Variants in CATSPERD observed in about 807,000 individuals in gnomAD.
CATSPERD encodes cation channel sperm-associated auxiliary subunit delta.
A neutral mutation model predicts 98.1 loss-of-function variants in CATSPERD; 86 were observed. That is an observed-to-expected ratio of 0.88 (90% CI 0.74 to 1.05). CATSPERD has a LOEUF of 1.05. Among genes scored for constraint, CATSPERD ranks in the 50% least tolerant of loss-of-function variants. CATSPERD has a pLI of 0.00. For missense variants in CATSPERD, 995 were observed against 1,005.7 expected, an observed-to-expected ratio of 0.99 and a Z score of 0.14; for synonymous variants, 394 against 390.2, an observed-to-expected ratio of 1.01 and a Z score of -0.12.
intron 7 of CATSPERD, among the ~76,000 whole-genome samples, chr19:5,743,683 C>CCTCTCTCTCT (rs146743330): frequency 9.7e-5 from 14 of 144,088 alleles, no homozygotes; most frequent in South Asian, 9.0e-4. Flanking sequence ...TCTCTCTCTT[C>CCTCTCTCTCT]CTCTCTCTCT....
intron 11 of CATSPERD, among the ~76,000 whole-genome samples, chr19:5,749,803 A>AT (rs199802101): frequency 0.27 from 36,208 of 135,020 alleles, 5,883 homozygotes; most frequent in East Asian, 0.73. Context: ...TGCCTATCTA[A>AT]TTTTTTTTTT....
At position 5,751,784 on chromosome 19, in the gene CATSPERD, G is replaced by A. The variant is rs373116853; in HGVS notation, c.1125G>A (p.Ala375=). The change falls in exon 12 of 22, where the codon GCG becomes GCA. Residue 375 remains alanine (A), a synonymous_variant. Coordinates refer to ENST00000381624, the MANE Select transcript of CATSPERD (RefSeq NM_152784.4). ...DFQKCLVNIQ[A]LLMDPELHVG... ...AGAAGTGCCTCGTGAATATCCAGGC[G>A]CTTCTCATGGACCCTGAACTCCACG... 8.0e-5 allele frequency: 129 copies of A among 1,613,332 alleles called. No homozygotes were observed. Among genetic ancestry groups the A allele is most frequent in the Non-Finnish European group, 1.1e-4 (124 of 1,179,790 alleles).
At chr19:5,773,692 TC>T (rs1312368864) in intron 20 of CATSPERD, among the ~76,000 whole-genome samples, 1 of 97,096 alleles carries the variant, frequency 1.0e-5, no homozygotes, top group South Asian at 4.0e-4. Context: ...AATTTTTGTA[TC>T]TTTTTTTTTT....
chr19:5,770,925 G>T lies in CATSPERD; in HGVS notation c.1635-19G>T. 1 of 1,592,738 alleles carries T rather than the reference G, an allele frequency of 6.3e-7. No individual in the cohort carries two copies. The highest frequency in any genetic ancestry group is 1.1e-5 in the South Asian group (1 of 87,430). On this transcript the variant is annotated intron_variant, in intron 18 of 21. Transcript: ENST00000381624. ...AGGAACTCACAGACTCCCCATCTCT[G>T]CTTCTTGGTGTCTTGAAGGGAATTC...
Position 5,776,318 on chromosome 19 carries a change from G to T in CATSPERD, c.2096+3G>T. 1 of 1,613,850 alleles carries T rather than the reference G, an allele frequency of 6.2e-7. No homozygotes were observed. Among genetic ancestry groups the T allele is most frequent in the Non-Finnish European group, 8.5e-7 (1 of 1,179,804 alleles). On this transcript the variant is annotated splice_donor_region_variant and intron_variant, in intron 21 of 21. Coordinates refer to ENST00000381624, the MANE Select transcript of CATSPERD (RefSeq NM_152784.4). Reference sequence around the variant, plus strand: ...TCGATCGTGGATCCGTACTACAGGTGAGTGGGCCCATCTGCCCCTACGACA... The same window carrying T: ...TCGATCGTGGATCCGTACTACAGGTTAGTGGGCCCATCTGCCCCTACGACA...
chr19:5,753,375 A>ATG (rs549175728), intron 12 of CATSPERD: 19 of 169,232 alleles, frequency 1.1e-4, no homozygotes, highest in African/African-American at 1.7e-4. Flanking sequence ...CCTGGCTAAC[A>ATG]GTGAAACCCC....
intron 15 of CATSPERD, among the ~76,000 whole-genome samples, chr19:5,759,426 G>A (rs558655980): frequency 9.9e-5 from 15 of 151,852 alleles, no homozygotes; most frequent in South Asian, 6.2e-4. Context: ...TTAGCTAGGC[G>A]TAGTGGCAGG....
At chr19:5,741,326 T>C (rs2055959720) in intron 7 of CATSPERD, among the ~76,000 whole-genome samples, 1 of 152,002 alleles carries the variant, frequency 6.6e-6, no homozygotes, top group Non-Finnish European at 1.5e-5. Flanking sequence ...TGAGACCGAG[T>C]AATTTATAAG....
At chr19:5,768,466 A>G (rs1326702384) in intron 18 of CATSPERD, among the ~76,000 whole-genome samples, 1 of 151,572 alleles carries the variant, frequency 6.6e-6, no homozygotes, top group Non-Finnish European at 1.5e-5. Context: ...CCTCCTGAGT[A>G]GTTGGGACTA....
intron 3 of CATSPERD, among the ~76,000 whole-genome samples, chr19:5,728,356 CAAAA>C (rs564166119): frequency 7.4e-5 from 6 of 80,950 alleles, no homozygotes; most frequent in Non-Finnish European, 1.2e-4. Flanking sequence ...GACTCTGTCT[CAAAA>C]AAAAAAAAAA....
chr19:5,758,500 G>A (rs1246559261), intron 14 of CATSPERD, among the ~76,000 whole-genome samples: 1 of 151,622 alleles, frequency 6.6e-6, no homozygotes, highest in Non-Finnish European at 1.5e-5. Flanking sequence ...GGCCAAGGTG[G>A]GTGGATCACT....
At chr19:5,760,874 A>G (rs113568729) in intron 15 of CATSPERD, among the ~76,000 whole-genome samples, 84 of 151,652 alleles carry the variant, frequency 5.5e-4, no homozygotes, top group African/African-American at 1.8e-3. Context: ...GGGCATGACA[A>G]TGTACTCCAG....
At position 5,749,129 on chromosome 19, in the gene CATSPERD, G is replaced by A. The variant is rs758763088; in HGVS notation, c.933G>A (p.Arg311=). ...VTENELAVIT[R]EDNLYYGNLG... ...AAAATGAACTGGCAGTTATAACTCG[G>A]GAGGATAATTTGTATTATGGCAATC... Residue 311 remains arginine (R), a synonymous_variant, in exon 11 of 22, where the codon CGG becomes CGA. Coordinates refer to ENST00000381624, the MANE Select transcript of CATSPERD (RefSeq NM_152784.4). The A allele has an allele frequency of 1.4e-5, 23 of 1,612,212 alleles. No individual in the cohort carries two copies. In the South Asian group the frequency reaches 2.5e-4, roughly 18 times the overall value.
chr19:5,740,042 G>A (rs1012126164), intron 7 of CATSPERD, among the ~76,000 whole-genome samples: 4 of 152,128 alleles, frequency 2.6e-5, no homozygotes, highest in African/African-American at 9.7e-5. Flanking sequence ...AGCACTTTGG[G>A]AGGCCGAGGT....
intron 6 of CATSPERD, among the ~76,000 whole-genome samples, chr19:5,738,367 AAAAG>A (rs2055889893): frequency 6.6e-6 from 1 of 151,404 alleles, no homozygotes; most frequent in East Asian, 1.9e-4. Context: ...AAAAAAAAAA[AAAAG>A]AAAAGAAAAA....
chr19:5,745,484 G>T (rs900700703), intron 8 of CATSPERD, among the ~76,000 whole-genome samples: 17 of 151,990 alleles, frequency 1.1e-4, no homozygotes, highest in African/African-American at 3.6e-4. Flanking sequence ...AGCCCGGCAC[G>T]GTGTCAGGCA....
chr19:5,769,788 C>T (rs2145856103), intron 18 of CATSPERD, among the ~76,000 whole-genome samples: 1 of 152,110 alleles, frequency 6.6e-6, no homozygotes, highest in African/African-American at 2.4e-5. Flanking sequence ...TTAGTTGGTG[C>T]AAAAGTAATT....
chr19:5,778,207 CAAA>C (rs555139661), intron 21 of CATSPERD, among the ~76,000 whole-genome samples, 166 bp from the exon 22 acceptor site: 7 of 82,356 alleles, frequency 8.5e-5, no homozygotes, highest in Admixed American at 2.9e-4. Context: ...GACTCCGACT[CAAA>C]AAAAAAAAAA....
At chr19:5,751,291 G>A (rs1254075175) in intron 11 of CATSPERD, among the ~76,000 whole-genome samples, 6 of 146,094 alleles carry the variant, frequency 4.1e-5, no homozygotes, top group East Asian at 2.0e-4. Context: ...TTCAGAGGCC[G>A]AGGCGGGCGG....
Sources: allele counts gnomAD v4.1 joint callset (sites outside exome capture counted in the v4.1 genomes callset), GRCh38; gene constraint gnomAD v4.1.1; transcripts MANE v1.5; gene names NCBI Gene and HGNC (gene_info 2026-07-23, HGNC 2026-07-21).